The following SLC39A12 variants were observed in gnomAD, a reference collection of about 807,000 sequenced individuals.
SLC39A12 encodes zinc transporter ZIP12.
In SLC39A12, 63 loss-of-function variants were observed where a neutral mutation model predicts 71.1. That is an observed-to-expected ratio of 0.89 (90% confidence interval 0.72 to 1.09). The LOEUF (loss-of-function observed/expected upper bound fraction) is 1.09, where lower values mean the gene tolerates loss of function less well. Among genes scored for constraint, SLC39A12 ranks in the 50% least tolerant of loss-of-function variants. The pLI is 0.00. For synonymous variants in SLC39A12, 351 were observed against 301.3 expected, an observed-to-expected ratio of 1.16 and a Z score of -1.71; for missense variants, 892 against 812.6, an observed-to-expected ratio of 1.10 and a Z score of -1.19.
At chr10:17,959,757 G>A (rs2130776203) in intron 2 of SLC39A12, among the ~76,000 whole-genome samples, 1 of 152,240 alleles carries the variant, frequency 6.6e-6, no homozygotes, top group South Asian at 2.1e-4. Context: ...TTTTCTCACT[G>A]TCCCACAACA....
intron 12 of SLC39A12, among the ~76,000 whole-genome samples, chr10:18,028,639 C>T (rs1191645527): frequency 1.3e-5 from 2 of 152,166 alleles, no homozygotes; most frequent in Admixed American, 1.3e-4. Context: ...TCCTAATTTC[C>T]TTCATGAGTA....
intron 12 of SLC39A12, among the ~76,000 whole-genome samples, chr10:18,015,050 TG>T (rs963278746): frequency 6.6e-6 from 1 of 152,196 alleles, no homozygotes; most frequent in African/African-American, 2.4e-5. Flanking sequence ...TTTTTGGATT[TG>T]TAAAGGCCAA....
intron 6 of SLC39A12, 121 bp from the exon 7 acceptor site, chr10:17,987,358 T>TA: frequency 2.4e-6 from 2 of 830,698 alleles, no homozygotes; most frequent in Non-Finnish European, 1.9e-6. Flanking sequence ...AACACTTATT[T>TA]AAAAAATCCA....
Position 17,975,846 on chromosome 10 carries a change from C to T in SLC39A12, c.752-2056C>T, listed in dbSNP as rs537507953. Among the ~76,000 whole-genome samples, 4 of 152,290 alleles carry T rather than the reference C, an allele frequency of 2.6e-5. No individual in the cohort carries two copies. The South Asian group carries it at 8.3e-4, about 32-fold the overall frequency. On this transcript the variant is annotated intron_variant, in intron 4 of 12. Coordinates refer to ENST00000377369, the MANE Select transcript of SLC39A12 (RefSeq NM_001145195.2). The stretch of plus-strand genomic sequence containing the variant: ...GCTTGTGGGGGAAGTCAGGTTCTAA[C>T]TGCTAGGATCAGGGGTTCCCCTCTG...
chr10:17,969,070 C>T (rs1256723403), intron 4 of SLC39A12, among the ~76,000 whole-genome samples: 2 of 152,188 alleles, frequency 1.3e-5, no homozygotes, highest in African/African-American at 2.4e-5. Flanking sequence ...GCTTATTTCA[C>T]TTAACATAGT....
At chr10:17,963,373 T>C (rs551556643) in intron 3 of SLC39A12, among the ~76,000 whole-genome samples, 3 of 152,326 alleles carry the variant, frequency 2.0e-5, no homozygotes, top group South Asian at 2.1e-4. Flanking sequence ...TAAAAGGTGA[T>C]GTGGTGTGTA....
chr10:17,967,969 A>T (rs1834876496), intron 4 of SLC39A12, among the ~76,000 whole-genome samples: 1 of 150,388 alleles, frequency 6.6e-6, no homozygotes, highest in Non-Finnish European at 1.5e-5. Flanking sequence ...TGTTATGTTT[A>T]TACCTATGCC....
At chr10:18,041,472 G>T (rs1405370333) in intron 12 of SLC39A12, among the ~76,000 whole-genome samples, 1 of 148,878 alleles carries the variant, frequency 6.7e-6, no homozygotes, top group Non-Finnish European at 1.5e-5. Flanking sequence ...CTCCAGCCTG[G>T]GTGACAGAGT....
intron 4 of SLC39A12, among the ~76,000 whole-genome samples, chr10:17,972,690 C>T (rs1011770274): frequency 6.6e-6 from 1 of 151,756 alleles, no homozygotes; most frequent in Non-Finnish European, 1.5e-5. Context: ...CATGGAGTAT[C>T]TTTTTCTGTC....
intron 4 of SLC39A12, among the ~76,000 whole-genome samples, chr10:17,967,956 T>C (rs1342968433): frequency 1.3e-5 from 2 of 150,556 alleles, no homozygotes; most frequent in African/African-American, 2.4e-5. Context: ...TGTAGGCATT[T>C]GTTGTTATGT....
intron 12 of SLC39A12, 148 bp downstream of exon 12, chr10:18,003,506 A>G (rs1835896402): frequency 1.5e-6 from 1 of 648,702 alleles, no homozygotes; most frequent in South Asian, 3.5e-5. Flanking sequence ...TTTGTACTCC[A>G]AGAAAGTGCA....
chr10:18,028,280 T>TA (rs1564662090), intron 12 of SLC39A12, among the ~76,000 whole-genome samples: 1 of 152,254 alleles, frequency 6.6e-6, no homozygotes, highest in African/African-American at 2.4e-5. Context: ...TGCAAATTTT[T>TA]ATCAGTGAAA....
rs942516961 is a variant in SLC39A12 at position 17,981,384 on chromosome 10, T to A, written c.997T>A (p.Phe333Ile). Residue 333 changes from phenylalanine (F) to isoleucine (I), a missense_variant, in exon 6 of 13, where the codon TTT becomes ATT. Physicochemically the swap from Phe to Ile is conservative, Grantham distance 21. Coordinates refer to ENST00000377369, the MANE Select transcript of SLC39A12 (RefSeq NM_001145195.2). ...KGLSLISKED[F>I]KQMSPGIIQQ... Reference sequence around the variant, plus strand: ...CCTCTCACTCATTTCTAAGGAGGACTTTAAGCAAATGAGTCCAGGGATCAT... The same window carrying A: ...CCTCTCACTCATTTCTAAGGAGGACATTAAGCAAATGAGTCCAGGGATCAT... 18 of 1,613,998 alleles carry A rather than the reference T, an allele frequency of 1.1e-5. No homozygotes were observed. Among genetic ancestry groups the A allele is most frequent in the Non-Finnish European group, 1.5e-5 (18 of 1,179,928 alleles).
chr10:17,982,063 A>G (rs572273469), intron 6 of SLC39A12, among the ~76,000 whole-genome samples: 1 of 152,278 alleles, frequency 6.6e-6, no homozygotes, highest in African/African-American at 2.4e-5. Flanking sequence ...ACATCATGGC[A>G]TGTATAAAAA....
intron 12 of SLC39A12, among the ~76,000 whole-genome samples, chr10:18,009,455 C>T (rs1445828912): frequency 2.0e-5 from 3 of 152,168 alleles, no homozygotes; most frequent in African/African-American, 4.8e-5. Flanking sequence ...ATTTCAAACC[C>T]TCTTCCCCCA....
intron 12 of SLC39A12, among the ~76,000 whole-genome samples, chr10:18,034,755 C>T (rs1369031053): frequency 6.6e-6 from 1 of 151,364 alleles, no homozygotes; most frequent in East Asian, 1.9e-4. Flanking sequence ...ATGGTCTTTA[C>T]ATTTTGGCAT....
At chr10:17,979,680 C>T (rs1452012964) in intron 5 of SLC39A12, among the ~76,000 whole-genome samples, 1 of 152,216 alleles carries the variant, frequency 6.6e-6, no homozygotes, top group Non-Finnish European at 1.5e-5. Flanking sequence ...CAGAAAATTT[C>T]TGGAGTTCTT....
intron 4 of SLC39A12, among the ~76,000 whole-genome samples, chr10:17,971,263 TC>T (rs1834966168): frequency 0.017 from 413 of 23,638 alleles, 8 homozygotes; most frequent in African/African-American, 0.069. Flanking sequence ...GGCCTGCCCC[TC>T]CCCTCCCCTC....
intron 6 of SLC39A12, among the ~76,000 whole-genome samples, chr10:17,983,951 C>A (rs1835338542): frequency 2.0e-5 from 3 of 152,108 alleles, no homozygotes; most frequent in African/African-American, 7.2e-5. Flanking sequence ...TAAGAAAATA[C>A]CATTCAGTAT....
Sources: allele counts gnomAD v4.1 joint callset (sites outside exome capture counted in the v4.1 genomes callset), GRCh38; gene constraint gnomAD v4.1.1; transcripts MANE v1.5; gene names NCBI Gene and HGNC (gene_info 2026-07-23, HGNC 2026-07-21).